Variants in HPSE2 observed in about 807,000 individuals in gnomAD.
HPSE2 encodes the protein heparanase 2 (inactive).
HPSE2 carries 38 observed loss-of-function variants against 60.5 expected under a neutral mutation model. That is an observed-to-expected ratio of 0.63 (90% CI 0.48 to 0.82). The LOEUF (loss-of-function observed/expected upper bound fraction) is 0.82. Ranked by LOEUF, HPSE2 falls within the 40% of genes least tolerant of loss-of-function variation. The pLI is 0.00. For synonymous variants in HPSE2, 295 were observed against 293.2 expected (o/e 1.01, Z -0.06); for missense variants, 713 against 740.4 (o/e 0.96, Z 0.43).
At chr10:98,837,595 C>T (rs1297271412) in intron 3 of HPSE2, among the ~76,000 whole-genome samples, 1 of 152,180 alleles carries the variant, frequency 6.6e-6, no homozygotes, top group Non-Finnish European at 1.5e-5. Flanking sequence ...AAACCTCCGG[C>T]CGGGCGTGGT....
intron 2 of HPSE2, among the ~76,000 whole-genome samples, chr10:99,198,492 C>T (rs1211308848): frequency 6.6e-6 from 1 of 152,144 alleles, no homozygotes; most frequent in Non-Finnish European, 1.5e-5. Flanking sequence ...AAGACATGGA[C>T]TCCACTTTTA....
chr10:98,732,096 T>G lies in HPSE2; in HGVS notation c.785-10268A>C, dbSNP rs1949242558. 2.0e-5 allele frequency among the ~76,000 whole-genome samples: 3 copies of G among 151,994 alleles called. 1 individual carries two copies. The South Asian group carries it at 6.2e-4, about 32-fold the overall frequency. ...GTATTTAACAAAAGAAGTACAAAAC[T>G]TATACACTGAAAACTACAAAACATT... On this transcript the variant is annotated intron_variant, in intron 4 of 11. Coordinates refer to ENST00000370552, the MANE Select transcript of HPSE2 (RefSeq NM_021828.5).
intron 3 of HPSE2, among the ~76,000 whole-genome samples, chr10:98,992,999 T>C (rs376667067): frequency 2.0e-5 from 3 of 152,348 alleles, no homozygotes; most frequent in Admixed American, 6.5e-5. Context: ...CATAGAAGAA[T>C]TGTATTTTCT....
intron 2 of HPSE2, among the ~76,000 whole-genome samples, chr10:99,212,424 GATAA>G (rs368135122): frequency 1.3e-5 from 2 of 151,946 alleles, no homozygotes; most frequent in Non-Finnish European, 2.9e-5. Context: ...TCCATCAACA[GATAA>G]ATAAAGAAAA....
chr10:99,075,715 G>C, intron 3 of HPSE2, among the ~76,000 whole-genome samples: 1 of 151,826 alleles, frequency 6.6e-6, no homozygotes, highest in Admixed American at 6.6e-5. Context: ...CTCATGTTGG[G>C]TGCATATATA....
At chr10:99,236,381 C>A (rs1849856086), upstream of HPSE2, among the ~76,000 whole-genome samples, 1 of 152,182 alleles carries the variant, frequency 6.6e-6, no homozygotes, top group South Asian at 2.1e-4. Context: ...CCAGCGCCAA[C>A]CCGGGACGCG....
Position 98,996,012 on chromosome 10 carries a change from C to T in HPSE2, c.610+148226G>A, listed in dbSNP as rs921395506. 4.0e-5 allele frequency among the ~76,000 whole-genome samples: 6 copies of T among 151,786 alleles called. 1 individual carries two copies. Among genetic ancestry groups the T allele is most frequent in the South Asian group, 4.2e-4 (2 of 4,816 alleles). On this transcript the variant is annotated intron_variant, in intron 3 of 11. Transcript: ENST00000370552. ...CAAATAAAATCTACAGATTAGTTAACGATATTATAACAATGATAATTTGTT... is the reference window on the plus strand; with the variant it reads ...CAAATAAAATCTACAGATTAGTTAATGATATTATAACAATGATAATTTGTT...
chr10:98,775,771 C>T (rs1451375121), intron 3 of HPSE2, among the ~76,000 whole-genome samples: 1 of 152,112 alleles, frequency 6.6e-6, no homozygotes, highest in African/African-American at 2.4e-5. Flanking sequence ...AACTCCAGGC[C>T]AGCGATATCA....
intron 3 of HPSE2, among the ~76,000 whole-genome samples, chr10:98,825,697 A>G (rs1951529926): frequency 1.3e-5 from 2 of 152,176 alleles, no homozygotes; most frequent in Admixed American, 6.5e-5. Context: ...CATTGCTAGG[A>G]TTGGCTCAAG....
At chr10:98,659,572 A>G (rs903209862) in intron 6 of HPSE2, among the ~76,000 whole-genome samples, 2 of 152,210 alleles carry the variant, frequency 1.3e-5, no homozygotes, top group African/African-American at 4.8e-5. Flanking sequence ...CTGTTGATGG[A>G]CATTTGGGAT....
At position 98,580,207 on chromosome 10, in the gene HPSE2, G is replaced by A. The variant is rs995699971; in HGVS notation, c.1320+34697C>T. 3.9e-5 allele frequency among the ~76,000 whole-genome samples: 6 copies of A among 152,086 alleles called. 1 individual carries two copies. The South Asian group carries it at 1.2e-3, about 31-fold the overall frequency. On this transcript the variant is annotated intron_variant, in intron 9 of 11. Transcript: ENST00000370552. ...CTTGGTTTTTAAAATTTTTTTCAGT[G>A]ATGTGTTTACATGTGGATTGGTTTT...
Position 98,800,689 on chromosome 10 carries a change from T to G in HPSE2, c.611-56633A>C, listed in dbSNP as rs1470155957. Among the ~76,000 whole-genome samples, 5 of 151,572 alleles carry G rather than the reference T, an allele frequency of 3.3e-5. No individual in the cohort carries two copies. The South Asian group carries it at 1.0e-3, about 32-fold the overall frequency. ...GATTGAACCATGAAGAAATCCAAAA[T>G]CTGAACAGAAAAATAACAAGTAATG... On this transcript the variant is annotated intron_variant, in intron 3 of 11. Transcript: ENST00000370552.
In HPSE2 at chr10:99,186,284, C is replaced by T. The variant is rs1044921583; in HGVS notation, c.449-41885G>A. ...TGCAGACCGGGCATGGTGGCTCACA[C>T]CTGTAATTCCAGCACTTTGAGAGGC... is the stretch of plus-strand genomic sequence containing the variant. On this transcript the variant is annotated intron_variant, in intron 2 of 11. Transcript: ENST00000370552. Among the ~76,000 whole-genome samples the T allele has an allele frequency of 7.2e-5, 11 of 152,076 alleles. No homozygotes were observed. In the East Asian group the frequency reaches 9.7e-4, roughly 13 times the overall value.
chr10:98,687,653 T>C (rs1947951308), intron 6 of HPSE2, among the ~76,000 whole-genome samples: 1 of 152,216 alleles, frequency 6.6e-6, no homozygotes, highest in African/African-American at 2.4e-5. Context: ...ACAATACATT[T>C]ACGATTATTA....
chr10:98,561,391 A>G (rs1367360988), intron 9 of HPSE2, among the ~76,000 whole-genome samples: 7 of 152,194 alleles, frequency 4.6e-5, no homozygotes, highest in Admixed American at 3.9e-4. Context: ...AAAAAAATTA[A>G]AAAGTAAAAA....
chr10:98,742,838 T>G (rs924376558), intron 4 of HPSE2, among the ~76,000 whole-genome samples: 3 of 151,560 alleles, frequency 2.0e-5, no homozygotes, highest in African/African-American at 7.3e-5. Flanking sequence ...TAAACAGGAC[T>G]GGCTACATAA....
At chr10:98,907,536 A>G (rs1953858131) in intron 3 of HPSE2, among the ~76,000 whole-genome samples, 1 of 152,206 alleles carries the variant, frequency 6.6e-6, no homozygotes, top group African/African-American at 2.4e-5. Context: ...TAGTCACTGT[A>G]ATTCTTCTGA....
chr10:99,134,555 G>C (rs1444893921), intron 3 of HPSE2, among the ~76,000 whole-genome samples: 1 of 152,110 alleles, frequency 6.6e-6, no homozygotes, highest in Non-Finnish European at 1.5e-5. Context: ...GAAAAGAATG[G>C]GGCCAATATT....
intron 6 of HPSE2, among the ~76,000 whole-genome samples, chr10:98,650,699 T>C (rs1378919756): frequency 1.3e-5 from 2 of 152,250 alleles, no homozygotes; most frequent in African/African-American, 4.8e-5. Flanking sequence ...TGATTACTAA[T>C]GACCAAAAAG....
Sources: gnomAD v4.1 joint callset for allele counts (sites outside exome capture counted in the v4.1 genomes callset) on GRCh38, gnomAD v4.1.1 for gene constraint, MANE v1.5 for transcripts, NCBI Gene and HGNC (gene_info 2026-07-23, HGNC 2026-07-21) for gene names.